The following GDPD4 variants were observed in gnomAD, a reference collection of about 807,000 sequenced individuals.
The protein encoded by GDPD4 is glycerophosphodiester phosphodiesterase 6.
A neutral mutation model predicts 67.8 loss-of-function variants in GDPD4; 60 were observed. The ratio of observed to expected loss-of-function variants is 0.88; its 90% CI spans 0.72 to 1.10. The LOEUF (loss-of-function observed/expected upper bound fraction) is 1.10, where lower values mean the gene tolerates loss of function less well. GDPD4 is among the 50% of genes least tolerant of loss of function. GDPD4 has a pLI of 0.00. For synonymous variants in GDPD4, 212 were observed against 210.9 expected, an observed-to-expected ratio of 1.00 and a Z score of -0.04; for missense variants, 623 against 613.9, an observed-to-expected ratio of 1.01 and a Z score of -0.16.
At chr11:77,257,517 C>T (rs369078117) in intron 11 of GDPD4, among the ~76,000 whole-genome samples, 54 of 149,728 alleles carry the variant, frequency 3.6e-4, no homozygotes, top group African/African-American at 1.3e-3. Flanking sequence ...CCTCTTCCTT[C>T]CTCTCTTCTT....
At chr11:77,266,124 T>C (rs1020018208) in intron 10 of GDPD4, among the ~76,000 whole-genome samples, 3 of 152,184 alleles carry the variant, frequency 2.0e-5, no homozygotes, top group Admixed American at 6.6e-5. Context: ...TGAAAATTAA[T>C]GTGAAGTTTT....
At chr11:77,260,086 G>A (rs931772551) in intron 10 of GDPD4, among the ~76,000 whole-genome samples, 3 of 151,990 alleles carry the variant, frequency 2.0e-5, no homozygotes, top group Admixed American at 6.6e-5. Flanking sequence ...TTTGGTGGGC[G>A]GATCATGAGG....
chr11:77,296,361 C>A (rs1021029934), intron 1 of GDPD4, among the ~76,000 whole-genome samples: 1 of 145,516 alleles, frequency 6.9e-6, no homozygotes, highest in Admixed American at 6.9e-5. Context: ...ACTCTTGTTG[C>A]TCAAGCTGAA....
intron 10 of GDPD4, among the ~76,000 whole-genome samples, chr11:77,265,943 A>G (rs150217528): frequency 0.011 from 1,721 of 152,284 alleles, 11 homozygotes; most frequent in Middle Eastern, 0.017. Flanking sequence ...TATTCACTCA[A>G]AGTAACTCCC....
intron 1 of GDPD4, among the ~76,000 whole-genome samples, chr11:77,299,104 G>GT (rs60184951): frequency 0.077 from 11,649 of 152,094 alleles, 737 homozygotes; most frequent in East Asian, 0.24. Context: ...CTCACCCAGA[G>GT]TATCACACAT....
intron 10 of GDPD4, among the ~76,000 whole-genome samples, chr11:77,265,302 A>T (rs1959173218): frequency 6.6e-6 from 1 of 152,196 alleles, no homozygotes; most frequent in Admixed American, 6.5e-5. Context: ...AGCAGTACAG[A>T]CCACTCTTTG....
chr11:77,235,017 T>TTTTTTTTTG (rs1958528606), intron 13 of GDPD4, among the ~76,000 whole-genome samples: 1 of 124,938 alleles, frequency 8.0e-6, no homozygotes, highest in Non-Finnish European at 1.8e-5. Context: ...CTGTTTTTTT[T>TTTTTTTTTG]TTTTTTTTTT....
At chr11:77,299,833 A>G (rs1938100404) in intron 1 of GDPD4, among the ~76,000 whole-genome samples, 1 of 152,232 alleles carries the variant, frequency 6.6e-6, no homozygotes, top group South Asian at 2.1e-4. Context: ...AGGTGTGAAC[A>G]CAAAGAATGT....
At chr11:77,262,320 A>G (rs1226620376) in intron 10 of GDPD4, among the ~76,000 whole-genome samples, 1 of 152,202 alleles carries the variant, frequency 6.6e-6, no homozygotes, top group East Asian at 1.9e-4. Context: ...CAGCCAAAGC[A>G]GTCATGGCCC....
intron 11 of GDPD4, among the ~76,000 whole-genome samples, chr11:77,256,640 G>A (rs1305516692): frequency 6.6e-6 from 1 of 152,132 alleles, no homozygotes; most frequent in African/African-American, 2.4e-5. Context: ...GGGTCATGGG[G>A]GCAGATCCCT....
chr11:77,218,016 G>GTTGT (rs776628514), intron 16 of GDPD4, among the ~76,000 whole-genome samples: 10 of 150,702 alleles, frequency 6.6e-5, no homozygotes, highest in Non-Finnish European at 1.5e-4. Flanking sequence ...AAGTTTTTTA[G>GTTGT]TTGTTATAAA....
At chr11:77,221,518 C>T (rs950058664) in intron 16 of GDPD4, among the ~76,000 whole-genome samples, 2 of 152,170 alleles carry the variant, frequency 1.3e-5, no homozygotes, top group African/African-American at 4.8e-5. Flanking sequence ...GCAGGTTGTT[C>T]AGTTTCCATG....
In GDPD4 at chr11:77,271,382, C is replaced by G; in HGVS notation, c.219G>C (p.Leu73=). 6.2e-7 allele frequency: 1 copy of G among 1,610,208 alleles called. No individual in the cohort carries two copies. The highest frequency in any genetic ancestry group is 8.5e-7 in the Non-Finnish European group (1 of 1,176,614). ...YLHLCHKILI[L]LVILLCVILM... ...AAATGACACACAGAAGAATCACTAG[C>G]AGAATCAGGATCTAGGGAAACAGAA... Residue 73 remains leucine (L), a synonymous_variant, in exon 6 of 17, where the codon CTG becomes CTC. Coordinates refer to ENST00000315938, the MANE Select transcript of GDPD4 (RefSeq NM_182833.3).
intron 13 of GDPD4, among the ~76,000 whole-genome samples, chr11:77,240,915 G>A (rs1190227943): frequency 6.6e-6 from 1 of 152,118 alleles, no homozygotes; most frequent in African/African-American, 2.4e-5. Context: ...CAAAAAAGAT[G>A]AGAGATAGTA....
intron 1 of GDPD4, among the ~76,000 whole-genome samples, chr11:77,298,997 T>C (rs1938072513): frequency 6.6e-6 from 1 of 152,082 alleles, no homozygotes; most frequent in Non-Finnish European, 1.5e-5. Flanking sequence ...TTGTAGGGCA[T>C]GACTCCCCAG....
At chr11:77,274,859 G>C (rs180936815) in intron 5 of GDPD4, among the ~76,000 whole-genome samples, 7 of 152,146 alleles carry the variant, frequency 4.6e-5, no homozygotes, top group African/African-American at 1.7e-4. Flanking sequence ...TGGAAGTAGA[G>C]AATAGAGTGA....
At position 77,217,310 on chromosome 11, in the gene GDPD4, AGTATCT is replaced by A. The variant is rs1476295344; in HGVS notation, c.1526-2_1529del. On this transcript the variant is annotated splice_acceptor_variant and coding_sequence_variant, in exon 17 of 17. Transcript: ENST00000315938. LOFTEE classifies it high-confidence loss of function. ...CTTCCTCATTCTTACTTCCACTCTG[AGTATCT>A]GTGGGATGGAAAAGACACAGATTCC... 6.2e-7 allele frequency: 1 copy of A among 1,605,258 alleles called. No homozygotes were observed. The highest frequency in any genetic ancestry group is 1.7e-5 in the Admixed American group (1 of 60,018).
intron 10 of GDPD4, among the ~76,000 whole-genome samples, chr11:77,265,529 T>A (rs1959174239): frequency 6.6e-6 from 1 of 152,130 alleles, no homozygotes; most frequent in Admixed American, 6.6e-5. Context: ...TACAGAGAGA[T>A]CCTATATACC....
At chr11:77,245,775 T>C (rs765790114) in intron 11 of GDPD4, among the ~76,000 whole-genome samples, 2 of 152,176 alleles carry the variant, frequency 1.3e-5, no homozygotes, top group African/African-American at 2.4e-5. Flanking sequence ...TCCAGCCTTC[T>C]CTCCCATAAG....
Sources: gnomAD v4.1 joint callset for allele counts (sites outside exome capture counted in the v4.1 genomes callset) on GRCh38, gnomAD v4.1.1 for gene constraint, MANE v1.5 for transcripts, NCBI Gene and HGNC (gene_info 2026-07-23, HGNC 2026-07-21) for gene names.